Variants in TEC observed in about 807,000 individuals in gnomAD.
TEC encodes tyrosine-protein kinase Tec.
TEC carries 72 observed loss-of-function variants against 93.0 expected under a neutral mutation model. The ratio of observed to expected loss-of-function variants is 0.77; its 90% CI spans 0.64 to 0.94. The LOEUF (loss-of-function observed/expected upper bound fraction) is 0.94, where lower values mean the gene tolerates loss of function less well. Among genes scored for constraint, TEC ranks in the 40% least tolerant of loss-of-function variants. TEC has a pLI of 0.00. For missense variants in TEC, 630 were observed against 757.9 expected (o/e 0.83, Z 1.98); for synonymous variants, 249 against 247.7 (o/e 1.01, Z -0.05).
intron 1 of TEC, among the ~76,000 whole-genome samples, chr4:48,236,298 T>G (rs1373891370): frequency 1.3e-5 from 2 of 152,220 alleles, no homozygotes; most frequent in African/African-American, 4.8e-5. Context: ...TTGTTTTTTT[T>G]TGAGACGGAG....
At chr4:48,177,424 C>T (rs1721374833) in intron 2 of TEC, among the ~76,000 whole-genome samples, 1 of 152,170 alleles carries the variant, frequency 6.6e-6, no homozygotes. Context: ...GCCTTAGTCA[C>T]TGAAAATTCT....
chr4:48,226,535 A>G (rs1483361484), intron 2 of TEC, among the ~76,000 whole-genome samples: 1 of 152,170 alleles, frequency 6.6e-6, no homozygotes, highest in Admixed American at 6.5e-5. Flanking sequence ...GTTAATAAAT[A>G]GTAAATCTAT....
intron 2 of TEC, among the ~76,000 whole-genome samples, chr4:48,190,075 T>C (rs1722038305): frequency 1.3e-5 from 2 of 152,184 alleles, no homozygotes; most frequent in African/African-American, 4.8e-5. Context: ...AATATTTAGA[T>C]TTGAAAGCAA....
At chr4:48,143,303 G>T (rs1474924498) in intron 14 of TEC, among the ~76,000 whole-genome samples, 1 of 152,226 alleles carries the variant, frequency 6.6e-6, no homozygotes, top group Non-Finnish European at 1.5e-5. Context: ...GCACAGAAAT[G>T]TAAGAATCGT....
chr4:48,194,805 T>G (rs1191042189), intron 2 of TEC, among the ~76,000 whole-genome samples: 48 of 152,130 alleles, frequency 3.2e-4, no homozygotes, highest in Non-Finnish European at 4.4e-5. Flanking sequence ...TACACAGAAT[T>G]GCTTCATTAT....
chr4:48,140,802 C>T (rs558902664), intron 15 of TEC, among the ~76,000 whole-genome samples: 3 of 152,160 alleles, frequency 2.0e-5, no homozygotes, highest in Admixed American at 6.5e-5. Context: ...TTACCAGTAT[C>T]GACCATGCTC....
At chr4:48,230,586 C>G (rs972685886) in intron 1 of TEC, among the ~76,000 whole-genome samples, 2 of 152,166 alleles carry the variant, frequency 1.3e-5, no homozygotes, top group African/African-American at 4.8e-5. Context: ...TCCATCACTC[C>G]CATTGGATCA....
intron 1 of TEC, among the ~76,000 whole-genome samples, chr4:48,252,943 G>C (rs977388259): frequency 2.0e-5 from 3 of 152,130 alleles, no homozygotes; most frequent in African/African-American, 7.2e-5. Flanking sequence ...AAGTATATTT[G>C]GGAAAAGCTG....
At chr4:48,262,104 T>G (rs530871227) in intron 1 of TEC, among the ~76,000 whole-genome samples, 3 of 152,248 alleles carry the variant, frequency 2.0e-5, no homozygotes, top group Non-Finnish European at 2.9e-5. Context: ...TGCTCTATAT[T>G]TCAATCCATA....
intron 2 of TEC, among the ~76,000 whole-genome samples, chr4:48,195,224 C>T (rs1722257411): frequency 6.6e-6 from 1 of 152,108 alleles, no homozygotes; most frequent in South Asian, 2.1e-4. Flanking sequence ...GTAATGGGTA[C>T]ACGGGGTTCA....
chr4:48,213,342 C>G (rs1221756650), intron 2 of TEC, among the ~76,000 whole-genome samples: 1 of 152,122 alleles, frequency 6.6e-6, no homozygotes, highest in Non-Finnish European at 1.5e-5. Flanking sequence ...TCATGCGAAA[C>G]TTTGAGAAAG....
intron 2 of TEC, among the ~76,000 whole-genome samples, chr4:48,226,182 T>A (rs1025659011): frequency 6.7e-5 from 10 of 150,176 alleles, no homozygotes; most frequent in Admixed American, 2.7e-4. Flanking sequence ...TATATTTCAA[T>A]AGTAACTGCC....
chr4:48,235,705 G>T (rs1245712439), intron 1 of TEC, among the ~76,000 whole-genome samples: 3 of 152,154 alleles, frequency 2.0e-5, no homozygotes, highest in African/African-American at 7.2e-5. Flanking sequence ...GCAGACCATA[G>T]GGGAATCCAG....
intron 2 of TEC, among the ~76,000 whole-genome samples, chr4:48,212,110 A>AAAAAAAAAAAAAAATATATAT: frequency 8.2e-6 from 1 of 122,266 alleles, no homozygotes; most frequent in African/African-American, 3.0e-5. Context: ...AAAAAAAAAA[A>AAAAAAAAAAAAAAATATATAT]ATATATATAT....
chr4:48,150,370 G>A (rs1457052396), intron 10 of TEC, among the ~76,000 whole-genome samples: 2 of 152,030 alleles, frequency 1.3e-5, no homozygotes, highest in Non-Finnish European at 2.9e-5. Context: ...TTTCCTGCTC[G>A]CCTATCAGGT....
intron 1 of TEC, among the ~76,000 whole-genome samples, chr4:48,244,962 C>T (rs1427525276): frequency 1.3e-5 from 2 of 152,084 alleles, no homozygotes; most frequent in African/African-American, 2.4e-5. Flanking sequence ...ATATCACCTC[C>T]CTCCCTTTGT....
intron 1 of TEC, among the ~76,000 whole-genome samples, chr4:48,239,668 T>A (rs1283967642): frequency 1.3e-5 from 2 of 152,194 alleles, no homozygotes; most frequent in Non-Finnish European, 2.9e-5. Flanking sequence ...CGTGTCTATA[T>A]ATTCTTTTCT....
intron 5 of TEC, among the ~76,000 whole-genome samples, chr4:48,169,293 C>T (rs539835578): frequency 3.3e-5 from 5 of 152,198 alleles, no homozygotes; most frequent in African/African-American, 9.6e-5. Flanking sequence ...ATAAATTTCT[C>T]TCTAGTTTAA....
At chr4:48,151,550 G>T (rs977567894) in intron 9 of TEC, among the ~76,000 whole-genome samples, 10 of 152,112 alleles carry the variant, frequency 6.6e-5, no homozygotes, top group African/African-American at 2.2e-4. Context: ...GCAGTGGTGC[G>T]ATCTCAGCTC....
Sources: gnomAD v4.1 joint callset for allele counts (sites outside exome capture counted in the v4.1 genomes callset) on GRCh38, gnomAD v4.1.1 for gene constraint, MANE v1.5 for transcripts, NCBI Gene and HGNC (gene_info 2026-07-23, HGNC 2026-07-21) for gene names.